The following NOS1 variants were observed in gnomAD, a reference collection of about 807,000 sequenced individuals.
The protein encoded by NOS1 is NOS type I.
NOS1 carries 51 observed loss-of-function variants against 164.5 expected under a neutral mutation model. The ratio of observed to expected loss-of-function variants is 0.31; its 90% CI spans 0.25 to 0.39. NOS1 has a LOEUF of 0.39. Ranked by LOEUF, NOS1 falls within the 10% of genes least tolerant of loss-of-function variation. The probability of loss-of-function intolerance (pLI) is 1.00; values close to 1 mark genes in which losing one functional copy is unlikely to be tolerated. For synonymous variants in NOS1, 719 were observed against 745.8 expected, an observed-to-expected ratio of 0.96 and a Z score of 0.59; for missense variants, 1,362 against 1,885.6, an observed-to-expected ratio of 0.72 and a Z score of 5.14.
chr12:117,213,115 G>C lies in NOS1; in HGVS notation c.*2194C>G. The C allele has an allele frequency of 8.1e-6, 8 of 985,462 alleles. No individual in the cohort carries two copies. The highest frequency in any genetic ancestry group is 9.6e-6 in the Non-Finnish European group (8 of 829,944). The allele number at this position is 985,462 out of a possible 1,614,324, so 61.0% of individuals were successfully genotyped here. A position where few individuals can be genotyped will look rare whatever the true frequency, so the allele number is the denominator to read the frequency against. On this transcript the variant is annotated 3_prime_UTR_variant, in exon 29 of 29. Transcript: ENST00000317775. ...AGGAGGTGCCTGGCACCTTGTAAGCGCTTCTAAGTATTTATTCCCTGATGG... is the reference window on the plus strand; with the variant it reads ...AGGAGGTGCCTGGCACCTTGTAAGCCCTTCTAAGTATTTATTCCCTGATGG...
intron 16 of NOS1, 65 bp downstream of exon 16, chr12:117,258,332 G>T: frequency 6.5e-7 from 1 of 1,526,764 alleles, no homozygotes; most frequent in Non-Finnish European, 9.1e-7. Flanking sequence ...AACCCCAGGT[G>T]CCAAAAGTCA....
intron 21 of NOS1, among the ~76,000 whole-genome samples, chr12:117,233,425 T>C (rs1869431997): frequency 6.6e-6 from 1 of 151,918 alleles, no homozygotes; most frequent in African/African-American, 2.4e-5. Flanking sequence ...CTCGAACTCC[T>C]GGGCTCAAGT....
intron 17 of NOS1, 77 bp downstream of exon 17, chr12:117,253,561 C>T: frequency 1.0e-6 from 1 of 959,518 alleles, no homozygotes; most frequent in South Asian, 1.4e-5. Flanking sequence ...CAACGAAGCG[C>T]TCACTTTGTA....
intron 28 of NOS1, 79 bp from the exon 29 acceptor site, chr12:117,215,403 C>G: frequency 7.1e-7 from 1 of 1,406,092 alleles, no homozygotes; most frequent in Non-Finnish European, 9.4e-7. Context: ...CAGAGAAAAT[C>G]ACCCATGCTC....
intron 1 of NOS1, among the ~76,000 whole-genome samples, chr12:117,349,749 G>T (rs4766845): frequency 0.17 from 26,227 of 151,998 alleles, 2,794 homozygotes; most frequent in East Asian, 0.39. Context: ...TTTGAGACTG[G>T]GTCTTGTTGT....
chr12:117,345,031 C>CT (rs57878360), intron 1 of NOS1, among the ~76,000 whole-genome samples: 1 of 124,556 alleles, frequency 8.0e-6, no homozygotes, highest in Non-Finnish European at 1.7e-5. Context: ...TGCTTTCTTG[C>CT]TTTTTTTTTT....
chr12:117,224,612 A>G (rs930903373), intron 25 of NOS1, among the ~76,000 whole-genome samples: 1 of 152,138 alleles, frequency 6.6e-6, no homozygotes, highest in African/African-American at 2.4e-5. Flanking sequence ...CGCATGCCAC[A>G]ATTTGGGTTT....
intron 2 of NOS1, among the ~76,000 whole-genome samples, chr12:117,321,154 T>C (rs12227412): frequency 0.2 from 30,711 of 151,942 alleles, 3,815 homozygotes; most frequent in East Asian, 0.35. Context: ...GAATTACAGG[T>C]GTGTGCCACC....
chr12:117,225,296 A>C (rs962951170), intron 24 of NOS1, among the ~76,000 whole-genome samples, 159 bp from the exon 25 acceptor site: 1 of 152,164 alleles, frequency 6.6e-6, no homozygotes, highest in Non-Finnish European at 1.5e-5. Flanking sequence ...TGGGAGTCTC[A>C]TCGATTAGGG....
intron 13 of NOS1, among the ~76,000 whole-genome samples, chr12:117,262,452 G>A (rs1871997205): frequency 6.9e-6 from 1 of 144,468 alleles, no homozygotes; most frequent in Admixed American, 6.9e-5. Context: ...GAGAGACAGA[G>A]AGAGGAGAGG....
At chr12:117,217,412 G>A (rs1956628419) in intron 28 of NOS1, among the ~76,000 whole-genome samples, 1 of 152,020 alleles carries the variant, frequency 6.6e-6, no homozygotes. Flanking sequence ...TGGTAGAAAT[G>A]TCACAACTCC....
chr12:117,258,524 G>T, intron 15 of NOS1, 69 bp from the exon 16 acceptor site: 1 of 1,504,846 alleles, frequency 6.6e-7, no homozygotes, highest in Non-Finnish European at 9.2e-7. Flanking sequence ...GGATACTGAG[G>T]GTCTGGGGTC....
intron 11 of NOS1, among the ~76,000 whole-genome samples, chr12:117,266,089 G>C (rs9658394): frequency 4.0e-5 from 6 of 151,884 alleles, no homozygotes; most frequent in Non-Finnish European, 8.8e-5. Flanking sequence ...GTGAGCCACC[G>C]TGCCCGGCCT....
intron 8 of NOS1, 148 bp from the exon 9 acceptor site, chr12:117,278,246 T>G: frequency 2.4e-6 from 2 of 844,604 alleles, no homozygotes; most frequent in Non-Finnish European, 3.4e-6. Flanking sequence ...CCACATCACC[T>G]GCTTTATAGA....
intron 15 of NOS1, 28 bp downstream of exon 15, chr12:117,258,998 C>T (rs781693796): frequency 5.9e-6 from 9 of 1,538,006 alleles, no homozygotes; most frequent in Non-Finnish European, 6.3e-6. Context: ...TGGAACCACA[C>T]TCTTGAACAG....
chr12:117,358,088 A>C (rs573335500), intron 1 of NOS1, among the ~76,000 whole-genome samples: 1 of 152,360 alleles, frequency 6.6e-6, no homozygotes, highest in South Asian at 2.1e-4. Context: ...CAGGCAACAC[A>C]TGAAGTCTTG....
intron 20 of NOS1, among the ~76,000 whole-genome samples, chr12:117,240,926 G>C (rs1870114216): frequency 6.7e-6 from 1 of 150,192 alleles, no homozygotes; most frequent in African/African-American, 2.5e-5. Flanking sequence ...CCTTGTATAA[G>C]TAATTTTTCT....
In NOS1 at chr12:117,259,044, A is replaced by T. The variant is rs1459216037; in HGVS notation, c.2454T>A (p.Asp818Glu). ...ATCTCACCTCCCCATTCTCAGGGGG[A>T]TCTCCATTGCCAAAGGTGCTGGTGA... is the stretch of plus-strand genomic sequence containing the variant. ...LVVTSTFGNG[D>E]PPENGEKFGC... Residue 818 changes from aspartate (D) to glutamate (E), a missense_variant, in exon 15 of 29, where the codon GAT becomes GAA. Coordinates refer to ENST00000317775, the MANE Select transcript of NOS1 (RefSeq NM_000620.5). The T allele has an allele frequency of 6.2e-7, 1 of 1,613,572 alleles. No individual in the cohort carries two copies. The highest frequency in any genetic ancestry group is 1.1e-5 in the South Asian group (1 of 91,058).
intron 1 of NOS1, among the ~76,000 whole-genome samples, chr12:117,360,110 C>T (rs1877064870): frequency 6.6e-6 from 1 of 151,190 alleles, no homozygotes; most frequent in Non-Finnish European, 1.5e-5. Flanking sequence ...AGTAAAGGGT[C>T]GATCTAGGAC....
Sources: allele counts gnomAD v4.1 joint callset (sites outside exome capture counted in the v4.1 genomes callset), GRCh38; gene constraint gnomAD v4.1.1; transcripts MANE v1.5; gene names NCBI Gene and HGNC (gene_info 2026-07-23, HGNC 2026-07-21).